Variants in MFAP4 observed in about 807,000 individuals in gnomAD.
MFAP4 encodes the protein microfibril-associated glycoprotein 4.
MFAP4 carries 20 observed loss-of-function variants against 32.4 expected under a neutral mutation model. The ratio of observed to expected loss-of-function variants is 0.62; its 90% confidence interval spans 0.43 to 0.90. The LOEUF (loss-of-function observed/expected upper bound fraction) is 0.90. Among genes scored for constraint, MFAP4 ranks in the 40% least tolerant of loss-of-function variants. The probability of loss-of-function intolerance (pLI) is 0.00; values close to 1 mark genes in which losing one functional copy is unlikely to be tolerated. For missense variants in MFAP4, 267 were observed against 329.5 expected (o/e 0.81, Z 1.47); for synonymous variants, 146 against 137.4 (o/e 1.06, Z -0.44).
chr17:19,386,989 C>CCCCCCCCCCCCCCA, intron 1 of MFAP4, 151 bp from the exon 2 acceptor site: 1 of 1,042,232 alleles, frequency 9.6e-7, no homozygotes, highest in East Asian at 2.6e-5. Flanking sequence ...CCCCCCACCC[C>CCCCCCCCCCCCCCA]GCCCGCCAAG....
chr17:19,386,972 T>TGCCGGGGGCCCCCCCCCCC, intron 1 of MFAP4, 134 bp from the exon 2 acceptor site: 50 of 936,926 alleles, frequency 5.3e-5, no homozygotes, highest in Non-Finnish European at 7.6e-5. Context: ...TGGCCCCTCT[T>TGCCGGGGGCCCCCCCCCCC]CCCTGCCCCC....
chr17:19,386,972 T>TGCCAGGGCCCCCCCCCCCCC, intron 1 of MFAP4, 134 bp from the exon 2 acceptor site: 3 of 937,014 alleles, frequency 3.2e-6, no homozygotes, highest in Non-Finnish European at 5.1e-6. Context: ...TGGCCCCTCT[T>TGCCAGGGCCCCCCCCCCCCC]CCCTGCCCCC....
intron 1 of MFAP4, 59 bp from the exon 2 acceptor site, chr17:19,386,897 C>G (rs1321703379): frequency 6.6e-7 from 1 of 1,518,920 alleles, no homozygotes; most frequent in Admixed American, 2.0e-5. Context: ...ATCCCCTGTT[C>G]TCTTTGCATT....
intron 2 of MFAP4, 113 bp downstream of exon 2, chr17:19,386,647 G>A (rs1913046804): frequency 8.4e-6 from 11 of 1,315,302 alleles, no homozygotes; most frequent in Non-Finnish European, 1.1e-5. Context: ...TGTAAAGGAG[G>A]AACCTGAGTC....
In MFAP4 at chr17:19,383,451, G is replaced by A; in HGVS notation, c.*1011C>T. The A allele has an allele frequency of 2.4e-6, 1 of 418,158 alleles. No individual in the cohort carries two copies. The highest frequency in any genetic ancestry group is 3.7e-5 in the East Asian group (1 of 27,020). 25.9% of individuals were successfully genotyped at this position (418,158 alleles called of 1,614,324 possible). ...AACTCCCCCTGAACAATCCTTTTCA[G>A]TATTATATTTTTATTATTATTATGT... is the stretch of plus-strand genomic sequence containing the variant. On this transcript the variant is annotated 3_prime_UTR_variant, in exon 6 of 6. Coordinates refer to ENST00000299610, the MANE Select transcript of MFAP4 (RefSeq NM_002404.3).
rs1277733100 is a variant in MFAP4, at chr17:19,384,440, G to A, written c.*22C>T. ...GACCATGGGTGTCCAGGGGAGGAAA[G>A]GTGCCTGAGGGGGCCAGCCCTTCAG... On this transcript the variant is annotated 3_prime_UTR_variant, in exon 6 of 6. Transcript: ENST00000299610. The A allele has an allele frequency of 3.9e-6, 6 of 1,553,246 alleles. No homozygotes were observed. Among genetic ancestry groups the A allele is most frequent in the Non-Finnish European group, 5.2e-6 (6 of 1,147,342 alleles).
In MFAP4 at chr17:19,386,391, G is replaced by A. The variant is rs779891090; in HGVS notation, c.159C>T (p.Gly53=). The A allele has an allele frequency of 6.8e-6, 11 of 1,613,904 alleles. No individual in the cohort carries two copies. The highest frequency in any genetic ancestry group is 2.2e-5 in the East Asian group (1 of 44,860). ...DIYAQGYQSD[G]VYLIYPSGPS... is the part of the protein sequence containing the mutation. ...GGCCCGAGGGGTAGATGAGGTACACGCCGTCTGACTGGTAGCCCTGGGCAT... is the reference window on the plus strand; with the variant it reads ...GGCCCGAGGGGTAGATGAGGTACACACCGTCTGACTGGTAGCCCTGGGCAT... Residue 53 remains glycine, a synonymous_variant, in exon 3 of 6, where the codon GGC becomes GGT. Transcript: ENST00000299610.
rs753306181 is a variant in MFAP4 at position 19,385,386 on chromosome 17, G to T, written c.309C>A (p.Phe103Leu). 1 of 1,614,238 alleles carries T rather than the reference G, an allele frequency of 6.2e-7. No individual in the cohort carries two copies. The highest frequency in any genetic ancestry group is 1.1e-5 in the South Asian group (1 of 91,092). ...FRGWNDYKLG[F>L]GRADGEYWLG... is the part of the protein sequence containing the mutation. ...GCCAGTACTCTCCATCAGCACGGCC[G>T]AAGCCCAGCTTGTAGTCATTCCAGC... Residue 103 changes from phenylalanine (F) to leucine (L), a missense_variant, in exon 4 of 6, where the codon TTC becomes TTA. By Grantham distance (22) the Phe-to-Leu change is conservative. Transcript: ENST00000299610.
At chr17:19,386,715 AC>A in intron 2 of MFAP4, 44 bp downstream of exon 2, 1 of 1,545,578 alleles carries the variant, frequency 6.5e-7, no homozygotes, top group Admixed American at 2.0e-5. Context: ...CTCTTCTTGC[AC>A]AACCTGTGGG....
At chr17:19,386,979 C>CAGGG in intron 1 of MFAP4, 141 bp from the exon 2 acceptor site, 7 of 477,374 alleles carry the variant, frequency 1.5e-5, no homozygotes, top group Non-Finnish European at 2.9e-5. Flanking sequence ...TCTTCCCTGC[C>CAGGG]CCCCCACCCC....
In MFAP4 at chr17:19,385,431, G is replaced by A. The variant is rs1912998419; in HGVS notation, c.264C>T (p.Gly88=). ...TCCAGCCGCGGAAGAAACTTACTGA[G>A]CCATTGAATCTCTTCTGGAAAACCT... ...KWTVFQKRFN[G]SVSFFRGWND... Residue 88 remains glycine, a synonymous_variant, in exon 4 of 6, where the codon GGC becomes GGT. Transcript: ENST00000299610. The A allele has an allele frequency of 1.9e-6, 3 of 1,614,234 alleles. No individual in the cohort carries two copies. Among genetic ancestry groups the A allele is most frequent in the Non-Finnish European group, 2.5e-6 (3 of 1,180,032 alleles).
At chr17:19,384,810 C>CA in intron 5 of MFAP4, 101 bp from the exon 6 acceptor site, 2 of 1,520,980 alleles carry the variant, frequency 1.3e-6, no homozygotes, top group Middle Eastern at 2.1e-4. Context: ...TATCACGTGG[C>CA]AGCCTGGCGG....
chr17:19,384,981 CCT>C, intron 5 of MFAP4, 116 bp downstream of exon 5: 1 of 1,337,938 alleles, frequency 7.5e-7, no homozygotes, highest in Admixed American at 2.2e-5. Context: ...CAGCTGTGGC[CCT>C]TCCAGATCCA....
chr17:19,385,494 A>T (rs764238812), intron 3 of MFAP4, 40 bp from the exon 4 acceptor site: 2 of 1,500,886 alleles, frequency 1.3e-6, no homozygotes, highest in Non-Finnish European at 9.1e-7. Context: ...CAAGGGTCCA[A>T]TGGGCAAGGT....
In MFAP4 at chr17:19,383,478, A is replaced by G; in HGVS notation, c.*984T>C. 3.0e-6 allele frequency: 1 copy of G among 331,372 alleles called. No individual in the cohort carries two copies. Among genetic ancestry groups the G allele is most frequent in the Non-Finnish European group, 5.4e-6 (1 of 185,214 alleles). The allele number at this position is 331,372 out of a possible 1,614,324, so 20.5% of individuals were successfully genotyped here. ...ATTATATTTTTATTATTATTATGTT[A>G]TTATTACACTGTCTTTTTGCCATCA... is the stretch of plus-strand genomic sequence containing the variant. On this transcript the variant is annotated 3_prime_UTR_variant, in exon 6 of 6. Coordinates refer to ENST00000299610, the MANE Select transcript of MFAP4 (RefSeq NM_002404.3).
intron 3 of MFAP4, 68 bp downstream of exon 3, chr17:19,386,242 T>A: frequency 1.4e-6 from 2 of 1,388,666 alleles, no homozygotes; most frequent in Non-Finnish European, 1.9e-6. Context: ...GGTTCGCATA[T>A]GTGAAGCCCA....
At chr17:19,384,756 C>A (rs1230377478) in intron 5 of MFAP4, 47 bp from the exon 6 acceptor site, 2 of 1,607,230 alleles carry the variant, frequency 1.2e-6, no homozygotes, top group African/African-American at 2.7e-5. Flanking sequence ...GGGAACTGAG[C>A]CCCGAGCTGG....
Position 19,384,470 on chromosome 17 carries a change from G to A in MFAP4, c.760C>T (p.Arg254Trp), listed in dbSNP as rs776857306. The part of the protein sequence containing the change: ...SLKRTEMKIR[R>W]A The stretch of plus-strand genomic sequence containing the variant: ...CTGAGGGGGCCAGCCCTTCAGGCCC[G>A]GCGGATTTTCATCTCAGTGCGTTTG... Residue 254 changes from arginine (R) to tryptophan (W), a missense_variant, in exon 6 of 6, where the codon CGG (arginine) becomes TGG (tryptophan). Around this residue, in one of 3 missense-constraint regions of MFAP4, gnomAD observed 19 missense variants for 18.7 expected, o/e 1.02. Transcript: ENST00000299610. 22 of 1,574,492 alleles carry A rather than the reference G, an allele frequency of 1.4e-5. No individual in the cohort carries two copies. The Admixed American group carries it at 1.9e-4, about 13-fold the overall frequency.
Position 19,386,457 on chromosome 17 carries a change from C to T in MFAP4, c.93G>A (p.Glu31=). 6.2e-7 allele frequency: 1 copy of T among 1,612,540 alleles called. No homozygotes were observed. Among genetic ancestry groups the T allele is most frequent in the Non-Finnish European group, 8.5e-7 (1 of 1,179,220 alleles). Residue 31 remains glutamate, a synonymous_variant, in exon 3 of 6, where the codon GAG becomes GAA. Coordinates refer to ENST00000299610, the MANE Select transcript of MFAP4 (RefSeq NM_002404.3). ...QVSGIRGDAL[E]RFCLQQPLDC... ...CCAGGGGTTGCTGAAGGCAAAACCT[C>T]TCCAGAGCTGGGGGTAGGGACATGG...
Sources: allele counts gnomAD v4.1 joint callset, GRCh38; gene constraint gnomAD v4.1.1; regional missense constraint gnomAD v4.1.1; transcripts MANE v1.5; gene names NCBI Gene and HGNC (gene_info 2026-07-23, HGNC 2026-07-21).